The following FBXL17 variants were observed in gnomAD, a reference collection of about 807,000 sequenced individuals.
The protein encoded by FBXL17 is F-box/LRR-repeat protein 17.
A neutral mutation model predicts 66.2 loss-of-function variants in FBXL17; 22 were observed. The ratio of observed to expected loss-of-function variants is 0.33; its 90% CI spans 0.24 to 0.47. FBXL17 has a LOEUF of 0.47. Ranked by LOEUF, FBXL17 falls within the 20% of genes least tolerant of loss-of-function variation. The pLI is 1.00. For synonymous variants in FBXL17, 474 were observed against 400.5 expected (o/e 1.18, Z -2.19); for missense variants, 878 against 948.2 (o/e 0.93, Z 0.97).
intron 6 of FBXL17, among the ~76,000 whole-genome samples, chr5:108,022,586 GC>G (rs771720029): frequency 1.1e-4 from 17 of 151,934 alleles, no homozygotes; most frequent in Non-Finnish European, 2.1e-4. Context: ...ATTTTGTGTG[GC>G]CACCAAAAAT....
intron 4 of FBXL17, among the ~76,000 whole-genome samples, chr5:108,317,222 C>A (rs1759407099): frequency 6.6e-6 from 1 of 151,282 alleles, no homozygotes; most frequent in African/African-American, 2.4e-5. Flanking sequence ...CATATATATT[C>A]ATTTGTTAAT....
intron 6 of FBXL17, among the ~76,000 whole-genome samples, chr5:108,040,336 C>T (rs1746998291): frequency 6.6e-6 from 1 of 152,102 alleles, no homozygotes; most frequent in Non-Finnish European, 1.5e-5. Context: ...ATTAGCAAAA[C>T]CATTCTAGAG....
intron 6 of FBXL17, among the ~76,000 whole-genome samples, chr5:108,179,280 AGAG>A (rs1328178220): frequency 6.6e-6 from 1 of 152,200 alleles, no homozygotes; most frequent in Non-Finnish European, 1.5e-5. Flanking sequence ...ATAAACATCC[AGAG>A]AAGATCAGGG....
intron 6 of FBXL17, among the ~76,000 whole-genome samples, chr5:108,095,362 A>G (rs766956455): frequency 6.6e-6 from 1 of 152,064 alleles, no homozygotes; most frequent in Non-Finnish European, 1.5e-5. Context: ...CCTTTACCAT[A>G]CAGGAAGAAA....
rs964059036 is a variant in FBXL17 at position 107,859,183 on chromosome 5, T to G, written c.*2537A>C. The G allele has an allele frequency of 9.9e-5, 15 of 152,160 alleles. No homozygotes were observed. Among genetic ancestry groups the G allele is most frequent in the Non-Finnish European group, 1.3e-4 (9 of 68,018 alleles). 9.4% of individuals were successfully genotyped at this position (152,160 alleles called of 1,614,324 possible). A position where few individuals can be genotyped will look rare whatever the true frequency, so the allele number is the denominator to read the frequency against. On this transcript the variant is annotated 3_prime_UTR_variant, in exon 9 of 9. Coordinates refer to ENST00000542267, the MANE Select transcript of FBXL17 (RefSeq NM_001163315.3). ...TCCACTACAGCAATATATTTCATAG[T>G]CTTTATTCTGAAAATACTGTTGACA... is the stretch of plus-strand genomic sequence containing the variant.
chr5:108,124,442 G>A (rs1215529657), intron 6 of FBXL17, among the ~76,000 whole-genome samples: 1 of 151,860 alleles, frequency 6.6e-6, no homozygotes, highest in Non-Finnish European at 1.5e-5. Context: ...AAACACTATA[G>A]GGTTTATAAT....
In FBXL17 at chr5:108,349,141, T is replaced by A. The variant is rs184144910; in HGVS notation, c.1375-611A>T. Among the ~76,000 whole-genome samples, 28 of 152,246 alleles carry A rather than the reference T, an allele frequency of 1.8e-4. No individual in the cohort carries two copies. The East Asian group carries it at 5.2e-3, about 28-fold the overall frequency. ...CTTAATAGTGAGGAAAAAAATATAA[T>A]GCTTAAAGGAATAAATTATGGTGTA... On this transcript the variant is annotated intron_variant, in intron 3 of 8. Coordinates refer to ENST00000542267, the MANE Select transcript of FBXL17 (RefSeq NM_001163315.3).
rs1310398299 is a variant in FBXL17 at position 108,380,928 on chromosome 5, G to A, written c.764C>T (p.Pro255Leu). ...AGAGGGCGGAGGGCAGAGCGGCTGCGGGGGCTGCTCCGGGGCCTGGCAGCA... is the reference window on the plus strand; with the variant it reads ...AGAGGGCGGAGGGCAGAGCGGCTGCAGGGGCTGCTCCGGGGCCTGGCAGCA... ...AGCCQAPEQP[P>L]QPLCPPPSSP... Residue 255 changes from proline (P) to leucine (L), a missense_variant, in exon 1 of 9, where the codon CCG becomes CTG. Pro to Leu is a moderately conservative substitution (Grantham distance 98, BLOSUM62 -3). Transcript: ENST00000542267. 17 of 1,221,784 alleles carry A rather than the reference G, an allele frequency of 1.4e-5. No homozygotes were observed. Among genetic ancestry groups the A allele is most frequent in the Non-Finnish European group, 1.6e-5 (16 of 978,594 alleles). The allele number at this position is 1,221,784 out of a possible 1,614,324, so 75.7% of individuals were successfully genotyped here.
chr5:108,357,442 A>G (rs182348181), intron 3 of FBXL17, among the ~76,000 whole-genome samples: 3 of 152,160 alleles, frequency 2.0e-5, no homozygotes, highest in Non-Finnish European at 2.9e-5. Context: ...GCAGAAAATT[A>G]GTAAAGGCAT....
At chr5:108,253,585 C>CT (rs1020033787) in intron 4 of FBXL17, among the ~76,000 whole-genome samples, 1 of 152,156 alleles carries the variant, frequency 6.6e-6, no homozygotes, top group African/African-American at 2.4e-5. Flanking sequence ...CACCAGCTGA[C>CT]TCCCCTACTC....
chr5:108,335,860 A>G (rs1046736837), intron 4 of FBXL17, among the ~76,000 whole-genome samples: 27 of 152,118 alleles, frequency 1.8e-4, no homozygotes, highest in African/African-American at 6.3e-4. Flanking sequence ...ACTTGGACTA[A>G]CTTTATAGCA....
At chr5:108,084,377 G>A (rs112808398) in intron 6 of FBXL17, among the ~76,000 whole-genome samples, 109 of 152,328 alleles carry the variant, frequency 7.2e-4, no homozygotes, top group Non-Finnish European at 1.2e-3. Flanking sequence ...CAATCGGTTT[G>A]CTCTGCATGA....
intron 6 of FBXL17, among the ~76,000 whole-genome samples, chr5:108,138,308 T>C (rs1163264426): frequency 6.6e-6 from 1 of 152,194 alleles, no homozygotes; most frequent in African/African-American, 2.4e-5. Context: ...CTGGCCAATT[T>C]TTCATTGGCT....
intron 4 of FBXL17, among the ~76,000 whole-genome samples, chr5:108,234,520 G>A (rs139094104): frequency 0.013 from 2,014 of 151,890 alleles, 20 homozygotes; most frequent in South Asian, 0.026. Context: ...TTCTTTTCAT[G>A]GAACTAATCT....
chr5:108,108,782 T>G (rs1301382346), intron 6 of FBXL17, among the ~76,000 whole-genome samples: 1 of 145,198 alleles, frequency 6.9e-6, no homozygotes, highest in East Asian at 1.9e-4. Context: ...CACACTTTGT[T>G]TTTGTTTTTT....
intron 7 of FBXL17, among the ~76,000 whole-genome samples, chr5:107,952,166 T>A (rs1211733518): frequency 6.6e-6 from 1 of 152,340 alleles, no homozygotes; most frequent in East Asian, 1.9e-4. Flanking sequence ...TGCCAATTTA[T>A]GTGCAGAAAC....
At chr5:108,150,034 A>G (rs572485885) in intron 6 of FBXL17, among the ~76,000 whole-genome samples, 13 of 152,186 alleles carry the variant, frequency 8.5e-5, no homozygotes, top group Non-Finnish European at 1.9e-4. Context: ...AGATTTATCA[A>G]TTGCTAACAT....
At chr5:108,092,332 G>T (rs1749217760) in intron 6 of FBXL17, among the ~76,000 whole-genome samples, 1 of 152,090 alleles carries the variant, frequency 6.6e-6, no homozygotes, top group Non-Finnish European at 1.5e-5. Flanking sequence ...TTTAGGCAGG[G>T]TCTCACTCCT....
At chr5:108,238,304 T>C (rs1014870704) in intron 4 of FBXL17, among the ~76,000 whole-genome samples, 8 of 152,236 alleles carry the variant, frequency 5.3e-5, no homozygotes, top group African/African-American at 1.9e-4. Flanking sequence ...AGTACTTTTC[T>C]TTTAAACCAC....
Sources: allele counts gnomAD v4.1 joint callset (sites outside exome capture counted in the v4.1 genomes callset), GRCh38; gene constraint gnomAD v4.1.1; transcripts MANE v1.5; gene names NCBI Gene and HGNC (gene_info 2026-07-23, HGNC 2026-07-21).